The following VPS13A variants were observed in gnomAD, a reference collection of about 807,000 sequenced individuals.
VPS13A encodes the protein vacuolar protein sorting 13 homolog A, also known as intermembrane lipid transfer protein VPS13A.
In VPS13A, 264 loss-of-function variants were observed where a neutral mutation model predicts 390.9. The observed-to-expected ratio is 0.68, with a 90% CI of 0.61 to 0.75. The LOEUF is 0.75. Among genes scored for constraint, VPS13A ranks in the 30% least tolerant of loss-of-function variants. The pLI is 0.00. For synonymous variants in VPS13A, 1,231 were observed against 1,227.1 expected, an observed-to-expected ratio of 1.00 and a Z score of -0.07; for missense variants, 3,409 against 3,733.9, an observed-to-expected ratio of 0.91 and a Z score of 2.27.
Position 77,363,564 on chromosome 9 carries a change from A to G in VPS13A, c.8212-1896A>G, listed in dbSNP as rs141852118. 5.7e-3 allele frequency among the ~76,000 whole-genome samples: 872 copies of G among 152,138 alleles called. 12 individuals are homozygous for G. Among genetic ancestry groups the G allele is most frequent in the African/African-American group, 0.02 (842 of 41,504 alleles). ...GTAGCTGGGATTACAGGCGTGTGCC[A>G]AAATGCCCAGCTAATTTTTGTAATT... is the stretch of plus-strand genomic sequence containing the variant. On this transcript the variant is annotated intron_variant, in intron 59 of 71. Coordinates refer to ENST00000360280, the MANE Select transcript of VPS13A (RefSeq NM_033305.3).
chr9:77,331,067 T>C (rs921833840), intron 45 of VPS13A, among the ~76,000 whole-genome samples: 9 of 152,146 alleles, frequency 5.9e-5, no homozygotes, highest in Non-Finnish European at 8.8e-5. Flanking sequence ...TTAATGATGT[T>C]ACATGATTAT....
At chr9:77,197,155 C>T (rs1825052758) in intron 1 of VPS13A, among the ~76,000 whole-genome samples, 1 of 152,084 alleles carries the variant, frequency 6.6e-6, no homozygotes, top group South Asian at 2.1e-4. Flanking sequence ...TTTCTCTTTA[C>T]AAAAATTTTG....
chr9:77,256,713 G>A (rs1175879282), intron 22 of VPS13A, among the ~76,000 whole-genome samples: 2 of 152,214 alleles, frequency 1.3e-5, no homozygotes, highest in Non-Finnish European at 2.9e-5. Context: ...TCTTCTTGGT[G>A]AAGTTATACT....
chr9:77,332,338 G>C (rs2131482018), intron 46 of VPS13A, among the ~76,000 whole-genome samples: 1 of 151,868 alleles, frequency 6.6e-6, no homozygotes, highest in African/African-American at 2.4e-5. Flanking sequence ...ATTATATTTT[G>C]ATTGCAATAT....
intron 47 of VPS13A, chr9:77,339,053 C>G (rs1830682068): frequency 5.3e-6 from 1 of 189,822 alleles, no homozygotes; most frequent in Admixed American, 5.5e-5. Context: ...ATAATATAAA[C>G]AGTGATTGGA....
intron 1 of VPS13A, among the ~76,000 whole-genome samples, chr9:77,193,184 T>C (rs1564620092): frequency 6.6e-6 from 1 of 152,244 alleles, no homozygotes; most frequent in Non-Finnish European, 1.5e-5. Flanking sequence ...TTTTTAGCTC[T>C]GTCAGATCAG....
At chr9:77,260,399 A>G (rs1225882304) in intron 23 of VPS13A, among the ~76,000 whole-genome samples, 175 bp downstream of exon 23, 7 of 133,726 alleles carry the variant, frequency 5.2e-5, no homozygotes, top group African/African-American at 2.0e-4. Context: ...CTCTGTCACC[A>G]GGCTGGAGTG....
At chr9:77,205,488 G>T in intron 4 of VPS13A, 80 bp downstream of exon 4, 1 of 664,250 alleles carries the variant, frequency 1.5e-6, no homozygotes, top group Non-Finnish European at 2.2e-6. Flanking sequence ...AAATACTTTT[G>T]GAATTTTTTT....
rs1296826629 is a variant in VPS13A at position 77,331,991 on chromosome 9, A to G, written c.5992-19A>G. On this transcript the variant is annotated intron_variant, in intron 45 of 71. Coordinates refer to ENST00000360280, the MANE Select transcript of VPS13A (RefSeq NM_033305.3). ...TCTTAGATTAATGATACTAAATATT[A>G]TTTGTTTTTCTTTCCCAGATAAGAA... 3 of 1,516,080 alleles carry G rather than the reference A, an allele frequency of 2.0e-6. No individual in the cohort carries two copies. The highest frequency in any genetic ancestry group is 1.7e-5 in the Admixed American group (1 of 59,768). The allele number at this position is 1,516,080 out of a possible 1,614,324, so 93.9% of individuals were successfully genotyped here. A position where few individuals can be genotyped will look rare whatever the true frequency, so the allele number is the denominator to read the frequency against.
chr9:77,361,455 G>C (rs568649800), intron 59 of VPS13A, among the ~76,000 whole-genome samples: 2 of 152,128 alleles, frequency 1.3e-5, no homozygotes, highest in Non-Finnish European at 2.9e-5. Context: ...CCATTATATG[G>C]ATGGGCCACA....
chr9:77,388,561 T>G (rs568745108), intron 68 of VPS13A, among the ~76,000 whole-genome samples: 31 of 152,244 alleles, frequency 2.0e-4, no homozygotes, highest in Non-Finnish European at 3.7e-4. Context: ...GTTATAAAAC[T>G]GGCTTTTGAT....
At position 77,339,920 on chromosome 9, in the gene VPS13A, T is replaced by C; in HGVS notation, c.6774+9T>C. ...TTTTTAATAACAATAAGGTATGCGA[T>C]GTTTATTCTGTTTTTCCCTTGTCTT... On this transcript the variant is annotated intron_variant, in intron 48 of 71. Coordinates refer to ENST00000360280, the MANE Select transcript of VPS13A (RefSeq NM_033305.3). The C allele has an allele frequency of 6.2e-7, 1 of 1,606,772 alleles. No homozygotes were observed. Among genetic ancestry groups the C allele is most frequent in the Non-Finnish European group, 8.5e-7 (1 of 1,179,612 alleles).
intron 5 of VPS13A, among the ~76,000 whole-genome samples, chr9:77,207,382 A>G (rs1307722997): frequency 6.7e-6 from 1 of 149,586 alleles, no homozygotes; most frequent in East Asian, 2.0e-4. Context: ...CATATATAAT[A>G]TATAACGTGT....
At chr9:77,374,402 G>T (rs1462430709) in intron 67 of VPS13A, among the ~76,000 whole-genome samples, 1 of 152,130 alleles carries the variant, frequency 6.6e-6, no homozygotes, top group Non-Finnish European at 1.5e-5. Flanking sequence ...CAATAGTCAG[G>T]ATGATAACTG....
intron 1 of VPS13A, among the ~76,000 whole-genome samples, chr9:77,196,686 T>TA (rs1564622553): frequency 6.6e-6 from 1 of 151,928 alleles, no homozygotes; most frequent in Non-Finnish European, 1.5e-5. Flanking sequence ...TTTTTTTTTT[T>TA]AAATGGGGAA....
intron 17 of VPS13A, among the ~76,000 whole-genome samples, chr9:77,235,281 T>G (rs1343458063): frequency 6.6e-6 from 1 of 152,204 alleles, no homozygotes; most frequent in Non-Finnish European, 1.5e-5. Context: ...ATGTGTTCAT[T>G]TTTCCTTCAT....
intron 41 of VPS13A, among the ~76,000 whole-genome samples, chr9:77,319,238 C>CTT (rs146346789): frequency 2.7e-5 from 4 of 145,740 alleles, no homozygotes; most frequent in African/African-American, 5.0e-5. Flanking sequence ...GTTGAATACC[C>CTT]TTTTTTTTTT....
chr9:77,251,961 TAAAG>T (rs1564665609), intron 21 of VPS13A, among the ~76,000 whole-genome samples: 1 of 152,210 alleles, frequency 6.6e-6, no homozygotes, highest in Non-Finnish European at 1.5e-5. Context: ...TAGTTACTGT[TAAAG>T]AACCTCACTT....
intron 6 of VPS13A, 141 bp downstream of exon 6, chr9:77,209,673 A>G (rs1301262977): frequency 3.2e-6 from 2 of 634,866 alleles, no homozygotes; most frequent in East Asian, 2.8e-5. Context: ...CTTCTTTTCT[A>G]TAATTATAGT....
Sources: gnomAD v4.1 joint callset for allele counts (sites outside exome capture counted in the v4.1 genomes callset) on GRCh38, gnomAD v4.1.1 for gene constraint, MANE v1.5 for transcripts, NCBI Gene and HGNC (gene_info 2026-07-23, HGNC 2026-07-21) for gene names.